Variants in SEMA5A observed in about 807,000 individuals in gnomAD.
SEMA5A encodes the protein semaphorin 5A.
SEMA5A carries 55 observed loss-of-function variants against 135.5 expected under a neutral mutation model. That is an observed-to-expected ratio of 0.41 (90% CI 0.33 to 0.51). The LOEUF is 0.51. Ranked by LOEUF, SEMA5A falls within the 20% of genes least tolerant of loss-of-function variation. SEMA5A has a pLI of 0.37. For synonymous variants in SEMA5A, 580 were observed against 546.5 expected, an observed-to-expected ratio of 1.06 and a Z score of -0.85; for missense variants, 1,290 against 1,419.9, an observed-to-expected ratio of 0.91 and a Z score of 1.47.
chr5:9,522,813 T>C (rs544222852), intron 1 of SEMA5A: 1 of 152,226 alleles, frequency 6.6e-6, no homozygotes, highest in South Asian at 2.1e-4. Context: ...AACATTTCAG[T>C]TCATGAGAGA....
At chr5:9,398,619 G>T (rs1386177033) in intron 2 of SEMA5A, among the ~76,000 whole-genome samples, 2 of 152,188 alleles carry the variant, frequency 1.3e-5, no homozygotes, top group African/African-American at 4.8e-5. Context: ...TGCAATTCAG[G>T]TAGATCAGGT....
chr5:9,502,957 T>C (rs1735673324), intron 1 of SEMA5A, among the ~76,000 whole-genome samples: 1 of 152,228 alleles, frequency 6.6e-6, no homozygotes, highest in Non-Finnish European at 1.5e-5. Flanking sequence ...ACATTAAACC[T>C]GGACTCAACC....
intron 18 of SEMA5A, among the ~76,000 whole-genome samples, chr5:9,056,163 T>C (rs954745414): frequency 1.4e-4 from 21 of 152,138 alleles, no homozygotes; most frequent in African/African-American, 5.1e-4. Context: ...GTTCTGTAGA[T>C]CCCTGGCCTC....
intron 10 of SEMA5A, 129 bp from the exon 11 acceptor site, chr5:9,190,600 A>G (rs1745055064): frequency 2.6e-6 from 2 of 764,278 alleles, no homozygotes; most frequent in African/African-American, 1.7e-5. Context: ...GTATGCAAAC[A>G]TGTCTGCTTC....
intron 5 of SEMA5A, among the ~76,000 whole-genome samples, chr5:9,307,662 G>A (rs1045949873): frequency 5.3e-5 from 8 of 152,108 alleles, no homozygotes; most frequent in African/African-American, 1.7e-4. Context: ...TTAGCATTTT[G>A]GAAGGGACAT....
intron 2 of SEMA5A, among the ~76,000 whole-genome samples, chr5:9,395,883 A>G (rs1019075759): frequency 2.0e-5 from 3 of 152,210 alleles, no homozygotes; most frequent in African/African-American, 7.2e-5. Context: ...CCACAGTAAC[A>G]TAAGAGACAG....
At chr5:9,319,252 T>C (rs1752522483) in intron 4 of SEMA5A, among the ~76,000 whole-genome samples, 1 of 151,980 alleles carries the variant, frequency 6.6e-6, no homozygotes. Flanking sequence ...TTGCATTATA[T>C]AGGATTTGGT....
At chr5:9,263,084 G>A (rs556173710) in intron 5 of SEMA5A, among the ~76,000 whole-genome samples, 2 of 150,182 alleles carry the variant, frequency 1.3e-5, no homozygotes, top group South Asian at 4.2e-4. Flanking sequence ...CAAAAAATCG[G>A]TTCAGAATAT....
chr5:9,193,385 C>T (rs1051299764), intron 10 of SEMA5A, among the ~76,000 whole-genome samples: 1 of 152,156 alleles, frequency 6.6e-6, no homozygotes, highest in African/African-American at 2.4e-5. Flanking sequence ...AGTTTTCATG[C>T]CAACATCTCT....
intron 5 of SEMA5A, among the ~76,000 whole-genome samples, chr5:9,295,477 C>T (rs779005539): frequency 2.0e-5 from 3 of 151,982 alleles, no homozygotes; most frequent in Non-Finnish European, 4.4e-5. Flanking sequence ...GAATCTTAGG[C>T]TGGGCAGAAT....
intron 16 of SEMA5A, among the ~76,000 whole-genome samples, chr5:9,092,839 T>C (rs1367778687): frequency 6.6e-6 from 1 of 152,180 alleles, no homozygotes; most frequent in Non-Finnish European, 1.5e-5. Context: ...TGCCATTACC[T>C]TTTTAAAAAA....
chr5:9,121,193 G>T (rs1042256319), intron 14 of SEMA5A, among the ~76,000 whole-genome samples: 6 of 152,204 alleles, frequency 3.9e-5, no homozygotes, highest in African/African-American at 1.2e-4. Context: ...TCTGAGGAAA[G>T]AAGTGAATGC....
intron 5 of SEMA5A, among the ~76,000 whole-genome samples, chr5:9,311,191 CT>C (rs1209393410): frequency 2.6e-5 from 4 of 151,990 alleles, no homozygotes; most frequent in Non-Finnish European, 5.9e-5. Context: ...GGTACCACCC[CT>C]GGTCTCTACA....
intron 3 of SEMA5A, among the ~76,000 whole-genome samples, chr5:9,353,095 AAGG>A (rs377197823): frequency 0.24 from 958 of 3,972 alleles, 121 homozygotes; most frequent in East Asian, 0.39. Flanking sequence ...AAAGGAAAGG[AAGG>A]AAGGAAAGGA....
chr5:9,475,294 T>C (rs181334334), intron 1 of SEMA5A, among the ~76,000 whole-genome samples: 37 of 152,322 alleles, frequency 2.4e-4, no homozygotes, highest in African/African-American at 8.4e-4. Context: ...GTCAAAATCT[T>C]CACCATGCCT....
At chr5:9,339,273 T>C (rs750279755) in intron 3 of SEMA5A, among the ~76,000 whole-genome samples, 10 of 152,108 alleles carry the variant, frequency 6.6e-5, no homozygotes, top group Non-Finnish European at 1.5e-4. Flanking sequence ...TATTCTTATA[T>C]GAAAAGAAGA....
rs1172567669 is a variant in SEMA5A at position 9,043,027 on chromosome 5, T to C, written c.3106-11A>G. The C allele has an allele frequency of 4.8e-6, 7 of 1,463,910 alleles. No individual in the cohort carries two copies. The highest frequency in any genetic ancestry group is 6.3e-6 in the Non-Finnish European group (7 of 1,114,866). 90.7% of individuals were successfully genotyped at this position (1,463,910 alleles called of 1,614,324 possible). ...GTTTTTGTTAAATGCCTGGAAAATA[T>C]ATTAAAAAAAAACAGGTTTAAGAAT... On this transcript the variant is annotated splice_polypyrimidine_tract_variant and intron_variant, in intron 22 of 22. Transcript: ENST00000382496.
chr5:9,132,864 A>T (rs1236741166), intron 13 of SEMA5A, among the ~76,000 whole-genome samples: 1 of 152,244 alleles, frequency 6.6e-6, no homozygotes, highest in African/African-American at 2.4e-5. Context: ...ATTTGGTCTC[A>T]TTCAAAAATC....
At chr5:9,187,946 C>A (rs1186512310) in intron 11 of SEMA5A, among the ~76,000 whole-genome samples, 2 of 152,158 alleles carry the variant, frequency 1.3e-5, no homozygotes, top group African/African-American at 4.8e-5. Context: ...CATGTGCAAG[C>A]AAGTTTCTAG....
Sources: gnomAD v4.1 joint callset for allele counts (sites outside exome capture counted in the v4.1 genomes callset) on GRCh38, gnomAD v4.1.1 for gene constraint, MANE v1.5 for transcripts, NCBI Gene and HGNC (gene_info 2026-07-23, HGNC 2026-07-21) for gene names.